TCERG1L: variants seen among roughly 807,000 people sequenced by gnomAD.
The protein encoded by TCERG1L is transcription elongation regulator 1 like.
A neutral mutation model predicts 56.3 loss-of-function variants in TCERG1L; 37 were observed. The observed-to-expected ratio is 0.66, with a 90% CI of 0.51 to 0.87. The LOEUF is 0.87. Ranked by LOEUF, TCERG1L falls within the 40% of genes least tolerant of loss-of-function variation. TCERG1L has a pLI of 0.00. For synonymous variants in TCERG1L, 324 were observed against 326.3 expected (o/e 0.99, Z 0.08); for missense variants, 799 against 774.2 (o/e 1.03, Z -0.38).
chr10:131,117,767 A>G (rs568009217), intron 8 of TCERG1L, among the ~76,000 whole-genome samples: 108 of 152,326 alleles, frequency 7.1e-4, no homozygotes, highest in African/African-American at 2.5e-3. Flanking sequence ...TTTTTCAAGT[A>G]CCAACTCTCC....
At chr10:131,278,818 G>A (rs1157339187) in intron 3 of TCERG1L, among the ~76,000 whole-genome samples, 1 of 151,950 alleles carries the variant, frequency 6.6e-6, no homozygotes, top group African/African-American at 2.4e-5. Flanking sequence ...TTGCAAGGAG[G>A]AAGTGCTCCT....
chr10:131,183,495 A>C (rs1224728695), intron 4 of TCERG1L, among the ~76,000 whole-genome samples: 1 of 152,152 alleles, frequency 6.6e-6, no homozygotes, highest in African/African-American at 2.4e-5. Flanking sequence ...GTATTTGCAG[A>C]TCTGACCTGG....
At chr10:131,299,303 TA>T (rs1846732991) in intron 3 of TCERG1L, among the ~76,000 whole-genome samples, 1 of 152,158 alleles carries the variant, frequency 6.6e-6, no homozygotes, top group Non-Finnish European at 1.5e-5. Flanking sequence ...GTTAGATCTT[TA>T]TATTTAAATC....
intron 4 of TCERG1L, among the ~76,000 whole-genome samples, chr10:131,179,632 C>A (rs1415584520): frequency 6.6e-6 from 1 of 152,170 alleles, no homozygotes. Context: ...GGAGGGCTGG[C>A]GGGGAGGGGC....
chr10:131,189,605 A>C (rs912726579), intron 4 of TCERG1L, among the ~76,000 whole-genome samples: 1 of 152,078 alleles, frequency 6.6e-6, no homozygotes, highest in Non-Finnish European at 1.5e-5. Context: ...GGTTGATTCC[A>C]TATCTTTGTT....
At chr10:131,303,322 AC>A (rs1846786641) in intron 3 of TCERG1L, among the ~76,000 whole-genome samples, 1 of 152,082 alleles carries the variant, frequency 6.6e-6, no homozygotes, top group Non-Finnish European at 1.5e-5. Flanking sequence ...CGCCATTCTA[AC>A]TGGCATAAGA....
chr10:131,178,529 G>A (rs2007109), intron 4 of TCERG1L, among the ~76,000 whole-genome samples: 128,463 of 152,134 alleles, frequency 0.84, 54,497 homozygotes, highest in South Asian at 0.94. Context: ...CCTCTCAAGG[G>A]CATGCATCTG....
At chr10:131,181,707 A>G (rs558079209) in intron 4 of TCERG1L, among the ~76,000 whole-genome samples, 4 of 152,358 alleles carry the variant, frequency 2.6e-5, no homozygotes, top group African/African-American at 9.6e-5. Flanking sequence ...GGCCAGGAGC[A>G]GGGAGAGGCT....
chr10:131,104,124 T>G, intron 10 of TCERG1L, 141 bp downstream of exon 10: 1 of 596,106 alleles, frequency 1.7e-6, no homozygotes, highest in Non-Finnish European at 3.0e-6. Context: ...CTAACTCTTT[T>G]GTTCACAAGC....
At chr10:131,194,704 C>T (rs774072672) in intron 4 of TCERG1L, among the ~76,000 whole-genome samples, 1 of 152,092 alleles carries the variant, frequency 6.6e-6, no homozygotes, top group Non-Finnish European at 1.5e-5. Context: ...TGGAATTTAT[C>T]CAGGAGAAGG....
chr10:131,127,533 T>C (rs1381346873), intron 8 of TCERG1L, among the ~76,000 whole-genome samples: 3 of 152,142 alleles, frequency 2.0e-5, no homozygotes, highest in African/African-American at 7.2e-5. Context: ...GAGTATCTCA[T>C]GCCAGATAAA....
intron 4 of TCERG1L, among the ~76,000 whole-genome samples, chr10:131,205,690 C>T: frequency 6.6e-6 from 1 of 152,268 alleles, no homozygotes; most frequent in Admixed American, 6.5e-5. Flanking sequence ...CTGACTGCCA[C>T]TTCCTGGAAA....
chr10:131,169,775 G>T (rs189506453), intron 4 of TCERG1L, among the ~76,000 whole-genome samples: 2 of 152,306 alleles, frequency 1.3e-5, no homozygotes, highest in Admixed American at 1.3e-4. Flanking sequence ...CTACGAGCAT[G>T]TAAATAAATA....
chr10:131,201,328 G>A (rs1032882250), intron 4 of TCERG1L, among the ~76,000 whole-genome samples: 1 of 152,126 alleles, frequency 6.6e-6, no homozygotes. Context: ...CAGGGACAGC[G>A]ACAGAGAGGG....
At chr10:131,127,496 C>T (rs998729773) in intron 8 of TCERG1L, among the ~76,000 whole-genome samples, 3 of 152,126 alleles carry the variant, frequency 2.0e-5, no homozygotes, top group Non-Finnish European at 4.4e-5. Context: ...CCAGGTGGCC[C>T]AGGAAGTTCG....
chr10:131,211,083 T>A (rs923468517), intron 4 of TCERG1L, among the ~76,000 whole-genome samples: 1 of 152,250 alleles, frequency 6.6e-6, no homozygotes, highest in African/African-American at 2.4e-5. Context: ...TGAAGCTGCC[T>A]GCAGCCTGTG....
chr10:131,179,661 C>T (rs544515648), intron 4 of TCERG1L, among the ~76,000 whole-genome samples: 7 of 152,276 alleles, frequency 4.6e-5, no homozygotes, highest in Admixed American at 2.6e-4. Context: ...ATTCTTCTGG[C>T]CCTTGTGGTT....
chr10:131,233,534 G>A (rs1373649265), intron 4 of TCERG1L, among the ~76,000 whole-genome samples: 3 of 151,746 alleles, frequency 2.0e-5, no homozygotes, highest in Non-Finnish European at 4.4e-5. Flanking sequence ...GATGCATTGC[G>A]GCTTTTGTTT....
chr10:131,192,746 G>C lies in TCERG1L; in HGVS notation c.857-25861C>G, dbSNP rs547216411. On this transcript the variant is annotated intron_variant, in intron 4 of 11. Coordinates refer to ENST00000368642, the MANE Select transcript of TCERG1L (RefSeq NM_174937.4). The stretch of plus-strand genomic sequence containing the variant: ...GGAGTCCATTATTCTAAGTGAAGTA[G>C]TAACACAGGAGTGGAAAACCAAAAA... 1.5e-3 allele frequency among the ~76,000 whole-genome samples: 220 copies of C among 144,736 alleles called. 35 individuals carry two copies. The highest frequency in any genetic ancestry group is 5.4e-3 in the African/African-American group (210 of 38,540). 95.0% of individuals were successfully genotyped at this position (144,736 alleles called of 152,430 possible).
Sources: gnomAD v4.1 joint callset for allele counts (sites outside exome capture counted in the v4.1 genomes callset) on GRCh38, gnomAD v4.1.1 for gene constraint, MANE v1.5 for transcripts, NCBI Gene and HGNC (gene_info 2026-07-23, HGNC 2026-07-21) for gene names.